The following LTBP1 variants were observed in gnomAD, a reference collection of about 807,000 sequenced individuals.
The protein encoded by LTBP1 is latent-transforming growth factor beta-binding protein 1.
Under a neutral mutation model 207.6 loss-of-function variants are expected in LTBP1, and 129 were observed. That is an observed-to-expected ratio of 0.62 (90% CI 0.54 to 0.72). The LOEUF (loss-of-function observed/expected upper bound fraction) is 0.72. LTBP1 is among the 30% of genes least tolerant of loss of function. LTBP1 has a pLI of 0.00. For synonymous variants in LTBP1, 963 were observed against 833.7 expected (o/e 1.16, Z -2.67); for missense variants, 2,281 against 2,217.2 (o/e 1.03, Z -0.58).
At chr2:33,230,958 T>C (rs932845205) in intron 9 of LTBP1, among the ~76,000 whole-genome samples, 1 of 152,218 alleles carries the variant, frequency 6.6e-6, no homozygotes, top group Non-Finnish European at 1.5e-5. Flanking sequence ...ATCTACACTT[T>C]TATAATTCAG....
chr2:33,168,977 C>A (rs964751628), intron 5 of LTBP1, among the ~76,000 whole-genome samples: 1 of 152,118 alleles, frequency 6.6e-6, no homozygotes, highest in African/African-American at 2.4e-5. Flanking sequence ...AAAATAGAGG[C>A]CTTGGCTGTG....
chr2:33,347,468 T>C lies in LTBP1; in HGVS notation c.3958T>C (p.Tyr1320His), dbSNP rs781090044. The C allele has an allele frequency of 1.2e-6, 2 of 1,614,026 alleles. No homozygotes were observed. Among genetic ancestry groups the C allele is most frequent in the Non-Finnish European group, 1.7e-6 (2 of 1,180,002 alleles). The part of the protein sequence containing the change: ...LCVCADENQE[Y>H]SPMTGQCRSR... ...CGTGTGTGCTGATGAAAACCAAGAG[T>C]ACAGCCCCATGACTGGGCAGTGCCG... is the stretch of plus-strand genomic sequence containing the variant. Residue 1320 changes from tyrosine to histidine, a missense_variant, in exon 26 of 34, where the codon TAC (tyrosine) becomes CAC (histidine). Transcript: ENST00000404816.
chr2:33,277,760 C>CCTTTCTTTCTGTCTTTCTTT (rs2093460129), intron 18 of LTBP1, among the ~76,000 whole-genome samples: 1 of 95,426 alleles, frequency 1.0e-5, no homozygotes, highest in Admixed American at 1.1e-4. Flanking sequence ...TTTTTTTTTC[C>CCTTTCTTTCTGTCTTTCTTT]CTTTCTTTCT....
chr2:33,033,845 A>T lies in LTBP1; in HGVS notation c.863+12639A>T, dbSNP rs1290687688. Among the ~76,000 whole-genome samples, 6 of 152,318 alleles carry T rather than the reference A, an allele frequency of 3.9e-5. No homozygotes were observed. The East Asian group carries it at 1.2e-3, about 29-fold the overall frequency. On this transcript the variant is annotated intron_variant, in intron 3 of 33. Transcript: ENST00000404816. ...GACAAAACTTGAAAAAACTTCAACT[A>T]GCTTTGGTGCTATTTTGCGTATGGA... is the stretch of plus-strand genomic sequence containing the variant.
intron 9 of LTBP1, among the ~76,000 whole-genome samples, chr2:33,238,184 C>G (rs928907113): frequency 5.9e-5 from 9 of 152,192 alleles, no homozygotes; most frequent in African/African-American, 2.2e-4. Flanking sequence ...TTTATATTTA[C>G]TAGCAAAAGC....
chr2:33,396,448 C>T (rs971967861), intron 32 of LTBP1, among the ~76,000 whole-genome samples: 5 of 152,300 alleles, frequency 3.3e-5, no homozygotes, highest in African/African-American at 1.2e-4. Context: ...TCTTGAACTC[C>T]TGGCCTCAGG....
chr2:33,346,830 G>T (rs1042658094), intron 25 of LTBP1, among the ~76,000 whole-genome samples: 4 of 151,990 alleles, frequency 2.6e-5, no homozygotes, highest in Admixed American at 2.0e-4. Context: ...ACTAGATTGG[G>T]AATTGGCTGG....
chr2:33,006,447 A>G lies in LTBP1; in HGVS notation c.566-14462A>G, dbSNP rs1012715123. Among the ~76,000 whole-genome samples, 15 of 145,398 alleles carry G rather than the reference A, an allele frequency of 1.0e-4. 1 individual carries two copies. Among genetic ancestry groups the G allele is most frequent in the Admixed American group, 6.4e-4 (9 of 14,098 alleles). Reference sequence around the variant, plus strand: ...CACCCAGGCTGGAGTGCAGTGGCGCAATCTTGGCTCACTGCACCCTCCGCC... The same window carrying G: ...CACCCAGGCTGGAGTGCAGTGGCGCGATCTTGGCTCACTGCACCCTCCGCC... On this transcript the variant is annotated intron_variant, in intron 2 of 33. Transcript: ENST00000404816.
chr2:33,398,553 T>C lies in LTBP1; in HGVS notation c.*8T>C, dbSNP rs749038771. On this transcript the variant is annotated 3_prime_UTR_variant, in exon 34 of 34. Transcript: ENST00000404816. The stretch of plus-strand genomic sequence containing the variant: ...GACAGTGACCTGGAGTGAAACAGAA[T>C]CTACATAACCTAAGCCCATATACTC... 20 of 1,612,678 alleles carry C rather than the reference T, an allele frequency of 1.2e-5. No homozygotes were observed. In the South Asian group the frequency reaches 1.7e-4, roughly 13 times the overall value.
chr2:33,043,730 A>T (rs112081478), intron 3 of LTBP1, among the ~76,000 whole-genome samples: 1 of 152,226 alleles, frequency 6.6e-6, no homozygotes, highest in African/African-American at 2.4e-5. Flanking sequence ...GAGTAGCCAT[A>T]AGTGAGGGTG....
intron 20 of LTBP1, 51 bp downstream of exon 20, chr2:33,293,333 T>G: frequency 6.5e-7 from 1 of 1,549,240 alleles, no homozygotes; most frequent in Middle Eastern, 1.7e-4. Context: ...CATTTAAATA[T>G]AGATTAGAGC....
At position 33,342,723 on chromosome 2, in the gene LTBP1, A is replaced by G. The variant is rs558764675; in HGVS notation, c.3731-115A>G. 3 of 902,900 alleles carry G rather than the reference A, an allele frequency of 3.3e-6. No homozygotes were observed. In the African/African-American group the frequency reaches 4.9e-5, roughly 15 times the overall value. The allele number at this position is 902,900 out of a possible 1,614,324, so 55.9% of individuals were successfully genotyped here. A position where few individuals can be genotyped will look rare whatever the true frequency, so the allele number is the denominator to read the frequency against. On this transcript the variant is annotated intron_variant, in intron 24 of 33. Coordinates refer to ENST00000404816, the MANE Select transcript of LTBP1 (RefSeq NM_206943.4). ...AGCTGTTTTCTGTGTAAACATGTTCATCTCATCATCACACACTAATCAGGA... is the reference window on the plus strand; with the variant it reads ...AGCTGTTTTCTGTGTAAACATGTTCGTCTCATCATCACACACTAATCAGGA...
chr2:33,275,077 T>C lies in LTBP1; in HGVS notation c.2856T>C (p.Gly952=). The C allele has an allele frequency of 1.2e-6, 2 of 1,613,858 alleles. No individual in the cohort carries two copies. ...CPAGFMASEE[G]TNCIDVDECL... is the part of the protein sequence containing the mutation. ...CAGGATTTATGGCCAGTGAGGAGGG[T>C]ACTAACTGCATAGGTAATGGCAGCA... The change falls in exon 17 of 34, where the codon GGT becomes GGC. Residue 952 remains glycine, a synonymous_variant. Coordinates refer to ENST00000404816, the MANE Select transcript of LTBP1 (RefSeq NM_206943.4).
chr2:33,398,679 C>A lies in LTBP1; in HGVS notation c.*134C>A, dbSNP rs2095381549. 1 of 807,544 alleles carries A rather than the reference C, an allele frequency of 1.2e-6. No individual in the cohort carries two copies. The highest frequency in any genetic ancestry group is 2.1e-5 in the South Asian group (1 of 47,714). The allele number at this position is 807,544 out of a possible 1,614,324, so 50.0% of individuals were successfully genotyped here. On this transcript the variant is annotated 3_prime_UTR_variant, in exon 34 of 34. Coordinates refer to ENST00000404816, the MANE Select transcript of LTBP1 (RefSeq NM_206943.4). ...GAAACAGCATGGAATTGCAAGTCCT[C>A]TGAAGACAATGAGAGGATTTAGGAT...
chr2:33,223,087 A>G (rs1418334681), intron 9 of LTBP1, among the ~76,000 whole-genome samples: 1 of 152,152 alleles, frequency 6.6e-6, no homozygotes, highest in Non-Finnish European at 1.5e-5. Context: ...TGTATTTAGG[A>G]TACAGTAGAT....
chr2:33,015,250 T>G (rs1033447167), intron 2 of LTBP1, among the ~76,000 whole-genome samples: 1 of 152,224 alleles, frequency 6.6e-6, no homozygotes, highest in Non-Finnish European at 1.5e-5. Flanking sequence ...TTTGCAGAGT[T>G]TACTTGAATT....
At chr2:33,192,065 CA>C (rs2087953235) in intron 7 of LTBP1, among the ~76,000 whole-genome samples, 1 of 152,014 alleles carries the variant, frequency 6.6e-6, no homozygotes. Context: ...GCTCACAGAG[CA>C]GAAAGGGAGA....
In LTBP1 at chr2:33,350,734, A is replaced by G. The variant is rs188692930; in HGVS notation, c.4000+3224A>G. Among the ~76,000 whole-genome samples the G allele has an allele frequency of 1.9e-3, 286 of 152,280 alleles. 1 individual carries two copies. The highest frequency in any genetic ancestry group is 6.7e-3 in the African/African-American group (277 of 41,568). The stretch of plus-strand genomic sequence containing the variant: ...TACCAGGCCACTCATCACATTTAAG[A>G]AGGTATGGATATGAAATATAGTCTG... On this transcript the variant is annotated intron_variant, in intron 26 of 33. Coordinates refer to ENST00000404816, the MANE Select transcript of LTBP1 (RefSeq NM_206943.4).
At chr2:33,129,626 A>G (rs1041059416) in intron 4 of LTBP1, among the ~76,000 whole-genome samples, 3 of 152,242 alleles carry the variant, frequency 2.0e-5, no homozygotes, top group Non-Finnish European at 4.4e-5. Context: ...TCTCTTTAAC[A>G]TATTTAATTA....
Sources: allele counts gnomAD v4.1 joint callset (sites outside exome capture counted in the v4.1 genomes callset), GRCh38; gene constraint gnomAD v4.1.1; transcripts MANE v1.5; gene names NCBI Gene and HGNC (gene_info 2026-07-23, HGNC 2026-07-21).